The following CHST11 variants were observed in gnomAD, a reference collection of about 807,000 sequenced individuals.
CHST11 encodes the protein C4S-1.
A neutral mutation model predicts 30.4 loss-of-function variants in CHST11; 9 were observed. The observed-to-expected ratio is 0.30, with a 90% confidence interval of 0.18 to 0.52. The LOEUF is 0.52. CHST11 is among the 20% of genes least tolerant of loss of function. The pLI, the probability that CHST11 is intolerant of heterozygous loss-of-function variation, is 0.97. For synonymous variants in CHST11, 152 were observed against 187.8 expected (o/e 0.81, Z 1.56); for missense variants, 348 against 460.6 (o/e 0.76, Z 2.24).
chr12:104,515,681 G>T (rs2038015674), intron 1 of CHST11, among the ~76,000 whole-genome samples: 1 of 152,150 alleles, frequency 6.6e-6, no homozygotes, highest in Admixed American at 6.5e-5. Context: ...AAAAACTCCT[G>T]ACCCGCCTGA....
intron 2 of CHST11, among the ~76,000 whole-genome samples, chr12:104,734,537 C>T (rs944267744): frequency 2.0e-5 from 3 of 152,314 alleles, no homozygotes; most frequent in South Asian, 2.1e-4. Flanking sequence ...CTGTTTCTCC[C>T]GCCCCTAGTT....
At chr12:104,594,282 A>G (rs923804998) in intron 1 of CHST11, among the ~76,000 whole-genome samples, 1 of 152,144 alleles carries the variant, frequency 6.6e-6, no homozygotes, top group Non-Finnish European at 1.5e-5. Context: ...GGGTGACCAG[A>G]CGAGGGCTAA....
chr12:104,712,862 C>T (rs768413247), intron 2 of CHST11, among the ~76,000 whole-genome samples: 6 of 152,008 alleles, frequency 3.9e-5, no homozygotes, highest in Non-Finnish European at 8.8e-5. Context: ...TCTCATAGGC[C>T]CTGACCCTGG....
chr12:104,759,304 C>A lies in CHST11; in HGVS notation c.*1501C>A. On this transcript the variant is annotated 3_prime_UTR_variant, in exon 3 of 3. Transcript: ENST00000303694. ...CCCATTTCCTCTGGAAGCCTGGAAA[C>A]TTTTCATTTCCTGTTCCTTGCTAAT... 6.6e-6 allele frequency: 1 copy of A among 152,156 alleles called. No homozygotes were observed. The highest frequency in any genetic ancestry group is 1.9e-4 in the East Asian group (1 of 5,188). 9.4% of individuals were successfully genotyped at this position (152,156 alleles called of 1,614,324 possible).
At chr12:104,723,836 G>A (rs1031561078) in intron 2 of CHST11, among the ~76,000 whole-genome samples, 1 of 152,186 alleles carries the variant, frequency 6.6e-6, no homozygotes, top group Non-Finnish European at 1.5e-5. Flanking sequence ...TATATAAAAC[G>A]AATTCTGTTC....
In CHST11 at chr12:104,757,734, GTACGAAGTC is replaced by G; in HGVS notation, c.994_1002del (p.Glu332_Tyr334del). The G allele has an allele frequency of 6.2e-7, 1 of 1,614,184 alleles. No homozygotes were observed. Among genetic ancestry groups the G allele is most frequent in the East Asian group, 2.2e-5 (1 of 44,880 alleles). The stretch of plus-strand genomic sequence containing the variant: ...TCAGCTCAGAGCACCAAACGCAGCT[GTACGAAGTC>G]TACAAACTCGATTTTTTAATGTTCA... On this transcript the variant is annotated inframe_deletion, in exon 3 of 3. Transcript: ENST00000303694. This position sits in a 1 kb window ranked among gnomAD's most constrained non-coding sequence, Gnocchi z 6.5.
At chr12:104,575,288 A>C (rs185701452) in intron 1 of CHST11, among the ~76,000 whole-genome samples, 35 of 152,202 alleles carry the variant, frequency 2.3e-4, no homozygotes, top group African/African-American at 7.2e-4. Flanking sequence ...AACAGGATAC[A>C]CAATCCAGTA....
At chr12:104,526,213 C>A (rs796562020) in intron 1 of CHST11, among the ~76,000 whole-genome samples, 2 of 118,664 alleles carry the variant, frequency 1.7e-5, no homozygotes, top group Non-Finnish European at 3.5e-5. Context: ...GGATCATTTT[C>A]TTAAAAAAAA....
intron 2 of CHST11, among the ~76,000 whole-genome samples, chr12:104,716,657 A>G (rs1372039663): frequency 6.6e-6 from 1 of 152,252 alleles, no homozygotes. Flanking sequence ...TGAAGGATGC[A>G]TGAGCAAACA....
chr12:104,727,881 C>T (rs1193352395), intron 2 of CHST11, among the ~76,000 whole-genome samples: 8 of 152,106 alleles, frequency 5.3e-5, no homozygotes, highest in African/African-American at 9.7e-5. Context: ...AGGAAAGTCC[C>T]TCCAAGGAAA....
At chr12:104,746,361 C>T (rs1036486429) in intron 2 of CHST11, among the ~76,000 whole-genome samples, 6 of 152,228 alleles carry the variant, frequency 3.9e-5, no homozygotes, top group Non-Finnish European at 1.5e-5. Flanking sequence ...TTTCTCATTG[C>T]TCAGCAAATC....
intron 2 of CHST11, among the ~76,000 whole-genome samples, chr12:104,698,775 C>T (rs2039969289): frequency 6.6e-6 from 1 of 152,180 alleles, no homozygotes; most frequent in African/African-American, 2.4e-5. Context: ...AAGAGTTTAA[C>T]ATAGCATGTG....
intron 1 of CHST11, among the ~76,000 whole-genome samples, chr12:104,508,271 G>A (rs2037926849): frequency 6.6e-6 from 1 of 152,192 alleles, no homozygotes; most frequent in South Asian, 2.1e-4. Flanking sequence ...GCTGGTTCAT[G>A]TCATTTATTT....
intron 2 of CHST11, among the ~76,000 whole-genome samples, chr12:104,656,456 G>T (rs928264911): frequency 2.0e-5 from 3 of 152,108 alleles, no homozygotes; most frequent in African/African-American, 7.2e-5. Context: ...CAGCACTCAG[G>T]CTCCGTCTCA....
intron 2 of CHST11, among the ~76,000 whole-genome samples, chr12:104,719,494 T>C (rs1319442213): frequency 2.6e-5 from 4 of 152,224 alleles, no homozygotes; most frequent in African/African-American, 9.6e-5. Context: ...GGGCTCAGGC[T>C]GCAGTCCGAC....
intron 1 of CHST11, among the ~76,000 whole-genome samples, chr12:104,572,739 A>T (rs2038641279): frequency 6.6e-6 from 1 of 151,810 alleles, no homozygotes; most frequent in African/African-American, 2.4e-5. Flanking sequence ...GATCTTAGGT[A>T]TTTCTTGCCT....
intron 2 of CHST11, among the ~76,000 whole-genome samples, chr12:104,611,359 C>T (rs1449060290): frequency 6.6e-6 from 1 of 152,242 alleles, no homozygotes; most frequent in Non-Finnish European, 1.5e-5. Flanking sequence ...CTGCATGTGG[C>T]TTGTGACTGC....
At chr12:104,549,538 T>C (rs1357744801) in intron 1 of CHST11, among the ~76,000 whole-genome samples, 2 of 152,172 alleles carry the variant, frequency 1.3e-5, no homozygotes, top group African/African-American at 4.8e-5. Flanking sequence ...GATTTATGGG[T>C]TCCACCTCCT....
At chr12:104,565,181 C>A (rs2038550005) in intron 1 of CHST11, among the ~76,000 whole-genome samples, 1 of 151,544 alleles carries the variant, frequency 6.6e-6, no homozygotes, top group Non-Finnish European at 1.5e-5. Context: ...GGTGGAGAAA[C>A]CAGCTGTATC....
Sources: allele counts gnomAD v4.1 joint callset (sites outside exome capture counted in the v4.1 genomes callset), GRCh38; gene constraint gnomAD v4.1.1; non-coding constraint Gnocchi (gnomAD v3.1); transcripts MANE v1.5; gene names NCBI Gene and HGNC (gene_info 2026-07-23, HGNC 2026-07-21).